ZFYVE27: variants seen among roughly 807,000 people sequenced by gnomAD.
ZFYVE27 encodes the protein zinc finger FYVE-type containing 27.
In ZFYVE27, 36 loss-of-function variants were observed where a neutral mutation model predicts 52.8. That is an observed-to-expected ratio of 0.68 (90% CI 0.52 to 0.90). The LOEUF (loss-of-function observed/expected upper bound fraction) is 0.90, where lower values mean the gene tolerates loss of function less well. Among genes scored for constraint, ZFYVE27 ranks in the 40% least tolerant of loss-of-function variants. ZFYVE27 has a pLI of 0.00. For missense variants in ZFYVE27, 450 were observed against 527.2 expected (o/e 0.85, Z 1.43); for synonymous variants, 223 against 215.6 (o/e 1.03, Z -0.30).
At chr10:97,748,151 A>G in intron 4 of ZFYVE27, 118 bp from the exon 5 acceptor site, 1 of 941,006 alleles carries the variant, frequency 1.1e-6, no homozygotes, top group Non-Finnish European at 1.7e-6. Flanking sequence ...CTCTTTAAGC[A>G]CATGGTGAGT....
At chr10:97,743,895 C>T (rs956407675) in intron 3 of ZFYVE27, among the ~76,000 whole-genome samples, 3 of 152,218 alleles carry the variant, frequency 2.0e-5, no homozygotes, top group African/African-American at 7.2e-5. Context: ...CCAAACCCCT[C>T]AGGGTGAGAA....
intron 4 of ZFYVE27, among the ~76,000 whole-genome samples, chr10:97,745,401 G>A (rs148447542): frequency 2.6e-5 from 4 of 151,936 alleles, no homozygotes; most frequent in South Asian, 2.1e-4. Context: ...CGATGGTCTC[G>A]ATCTCTTGAC....
At chr10:97,744,662 G>A (rs1417610468) in intron 3 of ZFYVE27, 67 bp from the exon 4 acceptor site, 4 of 1,585,044 alleles carry the variant, frequency 2.5e-6, no homozygotes, top group Non-Finnish European at 3.4e-6. Context: ...CAAGCAGTGG[G>A]CGTCTGGGTG....
In ZFYVE27 at chr10:97,749,614, G is replaced by A. The variant is rs2046383832; in HGVS notation, c.664+28G>A. On this transcript the variant is annotated intron_variant, in intron 6 of 12. Transcript: ENST00000684270. ...AAGCCCTGAAGGGCCTGAAAGATGG[G>A]GCCCAAGCTGGCTCTGAGGGCTAGG... 4 of 1,579,586 alleles carry A rather than the reference G, an allele frequency of 2.5e-6. No homozygotes were observed. In the East Asian group the frequency reaches 6.7e-5, roughly 27 times the overall value.
At chr10:97,757,420 C>A in intron 11 of ZFYVE27, 109 bp downstream of exon 11, 1 of 1,514,572 alleles carries the variant, frequency 6.6e-7, no homozygotes, top group Non-Finnish European at 9.1e-7. Context: ...CACATTGGGC[C>A]TGGCAGTGGC....
In ZFYVE27 at chr10:97,745,459, G is replaced by A. The variant is rs147636912; in HGVS notation, c.455+544G>A. 2.5e-3 allele frequency among the ~76,000 whole-genome samples: 378 copies of A among 152,198 alleles called. 6 individuals carry two copies. Among genetic ancestry groups the A allele is most frequent in the African/African-American group, 8.0e-3 (334 of 41,510 alleles). Reference sequence around the variant, plus strand: ...CTCCCAAAATGCTGGAATTACAGGCGTGAGCCACCACGCCTGGCCCTGTTC... The same window carrying A: ...CTCCCAAAATGCTGGAATTACAGGCATGAGCCACCACGCCTGGCCCTGTTC... On this transcript the variant is annotated intron_variant, in intron 4 of 12. Coordinates refer to ENST00000684270, the MANE Select transcript of ZFYVE27 (RefSeq NM_001385875.1).
chr10:97,758,991 C>G (rs1429448397), intron 12 of ZFYVE27, among the ~76,000 whole-genome samples: 2 of 152,112 alleles, frequency 1.3e-5, no homozygotes. Context: ...TGAAGGTGTT[C>G]TGTTGGTGCC....
In ZFYVE27 at chr10:97,759,648, G is replaced by A; in HGVS notation, c.*348G>A. 2.5e-6 allele frequency: 1 copy of A among 396,148 alleles called. No individual in the cohort carries two copies. Among genetic ancestry groups the A allele is most frequent in the Non-Finnish European group, 4.8e-6 (1 of 208,062 alleles). The allele number at this position is 396,148 out of a possible 1,614,324, so 24.5% of individuals were successfully genotyped here. ...AGGCCAGGCCTGACTGGGGTCTGAAGATCAGGGTCAGTGTGGCTGTGCCTG... is the reference window on the plus strand; with the variant it reads ...AGGCCAGGCCTGACTGGGGTCTGAAAATCAGGGTCAGTGTGGCTGTGCCTG... On this transcript the variant is annotated 3_prime_UTR_variant, in exon 13 of 13. Coordinates refer to ENST00000684270, the MANE Select transcript of ZFYVE27 (RefSeq NM_001385875.1).
rs146606423 is a variant in ZFYVE27 at position 97,756,590 on chromosome 10, C to T, written c.1043-675C>T. Among the ~76,000 whole-genome samples, 907 of 152,330 alleles carry T rather than the reference C, an allele frequency of 6.0e-3. 11 individuals carry two copies. The highest frequency in any genetic ancestry group is 0.019 in the African/African-American group (801 of 41,574). On this transcript the variant is annotated intron_variant, in intron 10 of 12. Coordinates refer to ENST00000684270, the MANE Select transcript of ZFYVE27 (RefSeq NM_001385875.1). The stretch of plus-strand genomic sequence containing the variant: ...CCCCTTGTTGTCTTCTAGCCATTTT[C>T]TAAGCTGCCGTTGCCCCTCCACTGT...
chr10:97,743,987 G>A lies in ZFYVE27; in HGVS notation c.269-742G>A, dbSNP rs558417076. ...CTTTTACTTACCTTGTATTTCTCAG[G>A]TGTCTTCTTTGTTTCCTCTGGAGAT... On this transcript the variant is annotated intron_variant, in intron 3 of 12. Transcript: ENST00000684270. 3.3e-5 allele frequency among the ~76,000 whole-genome samples: 5 copies of A among 152,316 alleles called. No homozygotes were observed. The South Asian group carries it at 8.3e-4, about 25-fold the overall frequency.
chr10:97,752,776 G>T, intron 8 of ZFYVE27, 81 bp from the exon 9 acceptor site: 1 of 1,535,760 alleles, frequency 6.5e-7, no homozygotes, highest in Non-Finnish European at 8.9e-7. Context: ...TTCTGCTTGG[G>T]GGCCCCTCCA....
At chr10:97,756,256 C>T (rs1438318791) in intron 10 of ZFYVE27, among the ~76,000 whole-genome samples, 2 of 152,164 alleles carry the variant, frequency 1.3e-5, no homozygotes, top group South Asian at 2.1e-4. Context: ...GCTTGTTCTT[C>T]TCTTTCCCTG....
intron 2 of ZFYVE27, among the ~76,000 whole-genome samples, chr10:97,742,148 A>G (rs2135976547): frequency 6.6e-6 from 1 of 152,244 alleles, no homozygotes; most frequent in Non-Finnish European, 1.5e-5. Context: ...AAAAAAAAAA[A>G]AAAGAAAATA....
intron 10 of ZFYVE27, chr10:97,754,986 C>T (rs1278419272): frequency 4.4e-6 from 1 of 227,212 alleles, no homozygotes; most frequent in East Asian, 1.8e-4. Flanking sequence ...CTCTTGTCTT[C>T]TTTCTACCTC....
chr10:97,744,423 T>G (rs1459510370), intron 3 of ZFYVE27, among the ~76,000 whole-genome samples: 1 of 152,162 alleles, frequency 6.6e-6, no homozygotes, highest in Non-Finnish European at 1.5e-5. Context: ...TTAAAACGTA[T>G]TAAAAGTGAG....
chr10:97,751,384 T>C lies in ZFYVE27; in HGVS notation c.805-7T>C. 6.2e-7 allele frequency: 1 copy of C among 1,613,444 alleles called. No individual in the cohort carries two copies. The highest frequency in any genetic ancestry group is 8.5e-7 in the Non-Finnish European group (1 of 1,179,560). ...TTCTCCTTCTGTCATAGAGTCTCTC[T>C]TCCCAGGACCTCACACCGGGCAGCG... is the stretch of plus-strand genomic sequence containing the variant. On this transcript the variant is annotated splice_region_variant and splice_polypyrimidine_tract_variant and intron_variant, in intron 7 of 12. Coordinates refer to ENST00000684270, the MANE Select transcript of ZFYVE27 (RefSeq NM_001385875.1).
rs370193327 is a variant in ZFYVE27 at position 97,759,214 on chromosome 10, C to G, written c.1172-22C>G. On this transcript the variant is annotated intron_variant, in intron 12 of 12. Coordinates refer to ENST00000684270, the MANE Select transcript of ZFYVE27 (RefSeq NM_001385875.1). Reference sequence around the variant, plus strand: ...CCAAAGGGCGCAAGGAAATGTCTCACCAAGTTCTTCCTCCTTTTCAGCCCC... The same window carrying G: ...CCAAAGGGCGCAAGGAAATGTCTCAGCAAGTTCTTCCTCCTTTTCAGCCCC... 25 of 1,613,926 alleles carry G rather than the reference C, an allele frequency of 1.5e-5. No homozygotes were observed. In the African/African-American group the frequency reaches 2.8e-4, roughly 18 times the overall value.
chr10:97,742,848 ATTC>A (rs1267974165), intron 2 of ZFYVE27, among the ~76,000 whole-genome samples: 1 of 152,210 alleles, frequency 6.6e-6, no homozygotes, highest in African/African-American at 2.4e-5. Flanking sequence ...TATTTTATAA[ATTC>A]TTCTTCCTTT....
Position 97,751,259 on chromosome 10 carries a change from TC to T in ZFYVE27, c.805-130del, listed in dbSNP as rs555395270. On this transcript the variant is annotated intron_variant, in intron 7 of 12. Coordinates refer to ENST00000684270, the MANE Select transcript of ZFYVE27 (RefSeq NM_001385875.1). The stretch of plus-strand genomic sequence containing the variant: ...CTAGAGGTTGCTCCTTCCTGTGAGT[TC>T]CTTCTTTCTTGCCATTGTGCCATTT... 6.7e-4 allele frequency: 680 copies of T among 1,010,594 alleles called. 3 individuals carry two copies. In the African/African-American group the frequency reaches 8.2e-3, roughly 12 times the overall value. 62.6% of individuals were successfully genotyped at this position (1,010,594 alleles called of 1,614,324 possible). A position where few individuals can be genotyped will look rare whatever the true frequency, so the allele number is the denominator to read the frequency against.
Sources: allele counts gnomAD v4.1 joint callset (sites outside exome capture counted in the v4.1 genomes callset), GRCh38; gene constraint gnomAD v4.1.1; transcripts MANE v1.5; gene names NCBI Gene and HGNC (gene_info 2026-07-23, HGNC 2026-07-21).